The following SHROOM4 variants were observed in gnomAD, a reference collection of about 807,000 sequenced individuals.
The protein encoded by SHROOM4 is shroom family member 4.
In SHROOM4, 17 loss-of-function variants were observed where a neutral mutation model predicts 80.3. The observed-to-expected ratio is 0.21, with a 90% confidence interval of 0.14 to 0.32. SHROOM4 has a LOEUF of 0.32. SHROOM4 is among the 10% of genes least tolerant of loss of function. The probability of loss-of-function intolerance (pLI) is 1.00; values close to 1 mark genes in which losing one functional copy is unlikely to be tolerated. For synonymous variants in SHROOM4, 400 were observed against 437.5 expected (o/e 0.91, Z 1.07); for missense variants, 993 against 1,140.3 (o/e 0.87, Z 1.86).
intron 1 of SHROOM4, among the ~76,000 whole-genome samples, chrX:50,753,601 T>C (rs1187339303): frequency 2.7e-5 from 3 of 111,662 alleles, no homozygotes; most frequent in African/African-American, 9.8e-5. Context: ...TCAAGTTTAA[T>C]ATCACACCAG....
chrX:50,713,204 A>C (rs1172950897), intron 1 of SHROOM4, among the ~76,000 whole-genome samples: 1 of 111,763 alleles, frequency 8.9e-6, no homozygotes, highest in Non-Finnish European at 1.9e-5. Flanking sequence ...AAAGTGCAGC[A>C]GACTTTATAG....
chrX:50,808,359 C>T (rs1557273179), intron 1 of SHROOM4, among the ~76,000 whole-genome samples: 1 of 111,922 alleles, frequency 8.9e-6, no homozygotes, highest in African/African-American at 3.2e-5. Flanking sequence ...CCTGTGACTA[C>T]TGTAGAACAA....
At chrX:50,707,583 G>C (rs1029621749) in intron 1 of SHROOM4, among the ~76,000 whole-genome samples, 5 of 110,996 alleles carry the variant, frequency 4.5e-5, no homozygotes, top group African/African-American at 1.6e-4. Flanking sequence ...CTTGGCTCAG[G>C]GCCAAGGCAG....
chrX:50,652,348 T>C (rs1602407029), intron 2 of SHROOM4, among the ~76,000 whole-genome samples: 1 of 112,508 alleles, frequency 8.9e-6, no homozygotes, highest in Non-Finnish European at 1.9e-5. Flanking sequence ...GATAAGCTTT[T>C]TTTCATGTTT....
intron 1 of SHROOM4, among the ~76,000 whole-genome samples, chrX:50,714,834 G>A (rs1557264683): frequency 9.0e-6 from 1 of 111,586 alleles, no homozygotes; most frequent in African/African-American, 3.3e-5. Context: ...CAGAGGATAT[G>A]CTACAGAAGA....
At chrX:50,723,472 T>C (rs1255406502) in intron 1 of SHROOM4, among the ~76,000 whole-genome samples, 2 of 108,979 alleles carry the variant, frequency 1.8e-5, no homozygotes, top group Non-Finnish European at 3.8e-5. Context: ...GACCCTCCTG[T>C]TCTTTAGGAG....
chrX:50,654,733 C>T (rs900273710), intron 2 of SHROOM4, among the ~76,000 whole-genome samples: 3 of 109,956 alleles, frequency 2.7e-5, no homozygotes, highest in Admixed American at 2.0e-4. Context: ...ACCATTCTAC[C>T]CTCTGCTTCT....
At chrX:50,748,128 G>C (rs1557267792) in intron 1 of SHROOM4, among the ~76,000 whole-genome samples, 1 of 111,673 alleles carries the variant, frequency 9.0e-6, no homozygotes, top group Non-Finnish European at 1.9e-5. Flanking sequence ...TATCCTGAAA[G>C]ATCGAGGCTG....
rs1299411019 is a variant in SHROOM4 at position 50,590,716 on chromosome X, T to C, written c.*5979A>G. On this transcript the variant is annotated 3_prime_UTR_variant, in exon 9 of 9. Coordinates refer to ENST00000376020, the MANE Select transcript of SHROOM4 (RefSeq NM_020717.5). ...AATGTTATTTAAGACAATCAGTCTA[T>C]GGTAGTATGTTATAGCAACCCAAGC... Among the ~76,000 whole-genome samples the C allele has an allele frequency of 8.9e-6, 1 of 112,447 alleles. No individual in the cohort carries two copies. Among genetic ancestry groups the C allele is most frequent in the Non-Finnish European group, 1.9e-5 (1 of 53,304 alleles).
chrX:50,803,882 T>C (rs1033135725), intron 1 of SHROOM4, among the ~76,000 whole-genome samples: 21 of 111,942 alleles, frequency 1.9e-4, no homozygotes, highest in Non-Finnish European at 2.6e-4. Context: ...GATTGATTGA[T>C]TGATTGGAGG....
intron 5 of SHROOM4, among the ~76,000 whole-genome samples, chrX:50,614,553 T>G (rs1221008326): frequency 1.8e-5 from 2 of 112,463 alleles, no homozygotes; most frequent in Non-Finnish European, 3.8e-5. Context: ...ATAATGACAC[T>G]TTTTAAATAA....
intron 2 of SHROOM4, among the ~76,000 whole-genome samples, chrX:50,643,890 GAA>G (rs2147323514): frequency 8.9e-6 from 1 of 112,840 alleles, no homozygotes; most frequent in South Asian, 3.7e-4. Context: ...AAGTGAGAGA[GAA>G]AAATACCCCA....
chrX:50,608,883 A>C (rs1253036510), intron 5 of SHROOM4, among the ~76,000 whole-genome samples: 1 of 111,829 alleles, frequency 8.9e-6, no homozygotes, highest in Admixed American at 9.5e-5. Flanking sequence ...ATTATGAATT[A>C]GATATATATA....
At chrX:50,597,423 A>G (rs1417953242) in intron 8 of SHROOM4, among the ~76,000 whole-genome samples, 1 of 111,738 alleles carries the variant, frequency 8.9e-6, no homozygotes, top group Non-Finnish European at 1.9e-5. Context: ...TGTGGATTCA[A>G]AGGTATATCC....
chrX:50,682,079 A>C (rs1403547521), intron 2 of SHROOM4, among the ~76,000 whole-genome samples: 1 of 112,161 alleles, frequency 8.9e-6, no homozygotes, highest in African/African-American at 3.2e-5. Context: ...TGGACGTCTT[A>C]CAGATGCTTC....
At chrX:50,600,281 G>T (rs1035832056) in intron 7 of SHROOM4, among the ~76,000 whole-genome samples, 2 of 111,651 alleles carry the variant, frequency 1.8e-5, no homozygotes, top group East Asian at 5.6e-4. Context: ...GCAAGGTTAT[G>T]ACAAGAATGG....
At chrX:50,639,070 G>A (rs988024442) in intron 2 of SHROOM4, among the ~76,000 whole-genome samples, 10 of 112,493 alleles carry the variant, frequency 8.9e-5, no homozygotes, top group Non-Finnish European at 1.7e-4. Context: ...GCAGGTCAGG[G>A]GTATATAAAG....
intron 1 of SHROOM4, among the ~76,000 whole-genome samples, chrX:50,732,932 T>C (rs1353796285): frequency 5.3e-5 from 6 of 112,209 alleles, no homozygotes; most frequent in Non-Finnish European, 1.1e-4. Context: ...AGGCCAATAT[T>C]ACCCTGACTC....
At chrX:50,652,611 ATTG>A (rs1557259044) in intron 2 of SHROOM4, among the ~76,000 whole-genome samples, 1 of 111,743 alleles carries the variant, frequency 8.9e-6, no homozygotes, top group African/African-American at 3.3e-5. Context: ...TTCTGTTGCC[ATTG>A]CTTTTGGTGT....
Sources: allele counts gnomAD v4.1 joint callset (sites outside exome capture counted in the v4.1 genomes callset), GRCh38; gene constraint gnomAD v4.1.1; transcripts MANE v1.5; gene names NCBI Gene and HGNC (gene_info 2026-07-23, HGNC 2026-07-21).